SLC24A2: variants seen among roughly 807,000 people sequenced by gnomAD.
SLC24A2 encodes the protein sodium/potassium/calcium exchanger 2.
A neutral mutation model predicts 62.0 loss-of-function variants in SLC24A2; 36 were observed. The observed-to-expected ratio is 0.58, with a 90% CI of 0.44 to 0.77. The LOEUF (loss-of-function observed/expected upper bound fraction) is 0.77, where lower values mean the gene tolerates loss of function less well. Among genes scored for constraint, SLC24A2 ranks in the 30% least tolerant of loss-of-function variants. The pLI is 0.00. For missense variants in SLC24A2, 846 were observed against 817.9 expected, an observed-to-expected ratio of 1.03 and a Z score of -0.42; for synonymous variants, 358 against 294.0, an observed-to-expected ratio of 1.22 and a Z score of -2.23.
At chr9:19,910,607 T>TA in the SLC24A2 span, among the ~76,000 whole-genome samples, 8 of 152,134 alleles carry the variant, frequency 5.3e-5, no homozygotes, top group Non-Finnish European at 1.2e-4. Context: ...GGTCTCCACA[T>TA]ATAGCATGCT....
the SLC24A2 span, among the ~76,000 whole-genome samples, chr9:20,050,379 G>A: frequency 0.066 from 10,003 of 151,944 alleles, 497 homozygotes; most frequent in African/African-American, 0.13. Flanking sequence ...TCGCACCACT[G>A]CACTCTAGCC....
At chr9:19,860,927 C>CAG in the SLC24A2 span, among the ~76,000 whole-genome samples, 1 of 152,152 alleles carries the variant, frequency 6.6e-6, no homozygotes, top group African/African-American at 2.4e-5. Flanking sequence ...AGAAGCAGTA[C>CAG]AATAGAATAC....
At chr9:19,650,865 C>T (rs1818782401) in intron 2 of SLC24A2, among the ~76,000 whole-genome samples, 1 of 142,448 alleles carries the variant, frequency 7.0e-6, no homozygotes, top group African/African-American at 3.0e-5. Context: ...GTGTGTATGC[C>T]AGCATCAAAT....
At position 19,632,383 on chromosome 9, in the gene SLC24A2, T is replaced by C. The variant is rs560916323; in HGVS notation, c.931-10084A>G. Among the ~76,000 whole-genome samples, 2 of 152,354 alleles carry C rather than the reference T, an allele frequency of 1.3e-5. No homozygotes were observed. Among genetic ancestry groups the C allele is most frequent in the African/African-American group, 4.8e-5 (2 of 41,582 alleles). ...CATCACATGTTTAATGAGCATCTTA[T>C]ATGTGCTACATTTTTCTAGGTGCAG... is the stretch of plus-strand genomic sequence containing the variant. On this transcript the variant is annotated intron_variant, in intron 2 of 10. Transcript: ENST00000341998. This position sits in a 1 kb window ranked among gnomAD's most constrained non-coding sequence, Gnocchi z 4.5.
chr9:19,875,559 T>C, the SLC24A2 span, among the ~76,000 whole-genome samples: 1 of 152,154 alleles, frequency 6.6e-6, no homozygotes, highest in African/African-American at 2.4e-5. Flanking sequence ...AGATTATCCT[T>C]ATGGGGAGGT....
chr9:19,978,130 A>T, the SLC24A2 span, among the ~76,000 whole-genome samples: 1 of 152,220 alleles, frequency 6.6e-6, no homozygotes, highest in Non-Finnish European at 1.5e-5. Flanking sequence ...GAATTTGTCA[A>T]CTAAAAGTCC....
the SLC24A2 span, among the ~76,000 whole-genome samples, chr9:20,089,657 G>A: frequency 6.6e-6 from 1 of 151,940 alleles, no homozygotes; most frequent in African/African-American, 2.4e-5. Context: ...TCCCTGGGGA[G>A]AGGCTCCCAG....
chr9:19,876,176 A>G, the SLC24A2 span, among the ~76,000 whole-genome samples: 1 of 152,208 alleles, frequency 6.6e-6, no homozygotes, highest in Non-Finnish European at 1.5e-5. Context: ...CTAAACATAG[A>G]AAGATTTCTG....
At position 19,550,106 on chromosome 9, in the gene SLC24A2, A is replaced by G. The variant is rs376859303; in HGVS notation, c.1479+31T>C. 3.7e-6 allele frequency: 6 copies of G among 1,608,674 alleles called. No homozygotes were observed. In the African/African-American group the frequency reaches 6.7e-5, roughly 18 times the overall value. On this transcript the variant is annotated intron_variant, in intron 8 of 10. Coordinates refer to ENST00000341998, the MANE Select transcript of SLC24A2 (RefSeq NM_020344.4). ...CCCTGTTATGTACCATATGTTTTAC[A>G]AGGGAACTATTTTTAAAATGCTTTA...
chr9:20,018,750 T>A, the SLC24A2 span, among the ~76,000 whole-genome samples: 60 of 152,134 alleles, frequency 3.9e-4, no homozygotes, highest in Middle Eastern at 9.5e-3. Context: ...ATTATTATTA[T>A]TACTATTTTA....
the SLC24A2 span, among the ~76,000 whole-genome samples, chr9:20,271,259 G>T: frequency 6.6e-6 from 1 of 152,146 alleles, no homozygotes; most frequent in Non-Finnish European, 1.5e-5. Context: ...TCATTAAACT[G>T]TCCCCCATAT....
the SLC24A2 span, among the ~76,000 whole-genome samples, chr9:19,855,326 G>T: frequency 6.6e-6 from 1 of 152,138 alleles, no homozygotes; most frequent in African/African-American, 2.4e-5. Context: ...ATTTGATCCT[G>T]TCATCATAAT....
At chr9:19,771,711 T>C (rs1022463071) in intron 2 of SLC24A2, among the ~76,000 whole-genome samples, 4 of 152,160 alleles carry the variant, frequency 2.6e-5, no homozygotes, top group African/African-American at 9.7e-5. Flanking sequence ...TAAAGCATGA[T>C]CATGTGGTTA....
chr9:20,138,392 G>A, the SLC24A2 span, among the ~76,000 whole-genome samples: 1 of 152,072 alleles, frequency 6.6e-6, no homozygotes. Flanking sequence ...TTTCCCAGGA[G>A]GTCCTGGAGC....
intron 2 of SLC24A2, among the ~76,000 whole-genome samples, chr9:19,720,853 G>A (rs891395146): frequency 9.2e-6 from 1 of 109,014 alleles, no homozygotes; most frequent in Non-Finnish European, 2.4e-5. Flanking sequence ...GTGTGTGTGT[G>A]TGTGTGTGTG....
the SLC24A2 span, among the ~76,000 whole-genome samples, chr9:20,130,558 A>G: frequency 6.6e-6 from 1 of 152,092 alleles, no homozygotes; most frequent in Non-Finnish European, 1.5e-5. Flanking sequence ...CTGAAGCAGA[A>G]TTAGGAAGGG....
the SLC24A2 span, among the ~76,000 whole-genome samples, chr9:19,961,119 GA>G: frequency 5.8e-4 from 76 of 130,406 alleles, no homozygotes; most frequent in Middle Eastern, 7.4e-3. Context: ...CAGAAGAAAG[GA>G]GAGAGAGACA....
chr9:19,532,288 G>A (rs562461663), intron 8 of SLC24A2, among the ~76,000 whole-genome samples: 4 of 152,144 alleles, frequency 2.6e-5, no homozygotes, highest in Admixed American at 2.6e-4. Context: ...TAGAGACAGG[G>A]TTTCTCTATG....
At chr9:20,268,267 T>A in the SLC24A2 span, among the ~76,000 whole-genome samples, 1 of 152,102 alleles carries the variant, frequency 6.6e-6, no homozygotes, top group African/African-American at 2.4e-5. Flanking sequence ...AGCCCCATGG[T>A]CTTCTTCCTC....
Sources: allele counts gnomAD v4.1 joint callset (sites outside exome capture counted in the v4.1 genomes callset), GRCh38; gene constraint gnomAD v4.1.1; non-coding constraint Gnocchi (gnomAD v3.1); transcripts MANE v1.5; gene names NCBI Gene and HGNC (gene_info 2026-07-23, HGNC 2026-07-21).